BTNL3: variants seen among roughly 807,000 people sequenced by gnomAD.
The protein encoded by BTNL3 is butyrophilin-like protein 3.
In BTNL3, 20 loss-of-function variants were observed where a neutral mutation model predicts 40.1. The ratio of observed to expected loss-of-function variants is 0.50; its 90% confidence interval spans 0.35 to 0.72. BTNL3 has a LOEUF of 0.72. BTNL3 is among the 30% of genes least tolerant of loss of function. The pLI is 0.01. For missense variants in BTNL3, 449 were observed against 582.2 expected (o/e 0.77, Z 2.35); for synonymous variants, 179 against 222.1 (o/e 0.81, Z 1.73).
chr5:180,988,900 T>C lies in BTNL3; in HGVS notation c.-129T>C, dbSNP rs1279350227. On this transcript the variant is annotated 5_prime_UTR_variant, in exon 1 of 8. Transcript: ENST00000342868. ...GGAGGCTCTAGGGAGAAATGCACAGTTTGACATCGTTCATGAAGAGCCTCT... is the reference window on the plus strand; with the variant it reads ...GGAGGCTCTAGGGAGAAATGCACAGCTTGACATCGTTCATGAAGAGCCTCT... The C allele has an allele frequency of 2.3e-5, 25 of 1,090,172 alleles. 7 individuals carry two copies. The East Asian group carries it at 7.4e-4, about 32-fold the overall frequency. The allele number at this position is 1,090,172 out of a possible 1,614,324, so 67.5% of individuals were successfully genotyped here.
chr5:180,989,140 T>C lies in BTNL3; in HGVS notation c.49+63T>C, dbSNP rs896367151. ...TTGAATAATATTTTGAGTTCATTCA[T>C]GACAATGATCTCAGCACAGTGAGAT... On this transcript the variant is annotated intron_variant, in intron 1 of 7. Transcript: ENST00000342868. 3.8e-5 allele frequency: 53 copies of C among 1,380,316 alleles called. 15 individuals are homozygous for C. The highest frequency in any genetic ancestry group is 5.1e-5 in the Non-Finnish European group (52 of 1,012,898). The allele number at this position is 1,380,316 out of a possible 1,614,324, so 85.5% of individuals were successfully genotyped here.
At position 180,989,100 on chromosome 5, in the gene BTNL3, T is replaced by C. The variant is rs527373614; in HGVS notation, c.49+23T>C. ...CAGGTAAGCCTTTCAGTTTGGACTGTTGTTTTTCTCCTTGTTGAATAATAT... is the reference window on the plus strand; with the variant it reads ...CAGGTAAGCCTTTCAGTTTGGACTGCTGTTTTTCTCCTTGTTGAATAATAT... On this transcript the variant is annotated intron_variant, in intron 1 of 7. Transcript: ENST00000342868. 1.3e-5 allele frequency: 18 copies of C among 1,427,952 alleles called. 5 individuals are homozygous for C. The highest frequency in any genetic ancestry group is 2.2e-5 in the Admixed American group (1 of 45,282). 88.5% of individuals were successfully genotyped at this position (1,427,952 alleles called of 1,614,324 possible). A position where few individuals can be genotyped will look rare whatever the true frequency, so the allele number is the denominator to read the frequency against.
chr5:181,003,899 C>G (rs1760166256), intron 5 of BTNL3, 23 bp downstream of exon 5: 1 of 1,613,974 alleles, frequency 6.2e-7, no homozygotes, highest in South Asian at 1.1e-5. Context: ...TCCTGAGCCT[C>G]CCACACATGG....
rs544801873 is a variant in BTNL3 at position 181,005,402 on chromosome 5, C to G, written c.931C>G (p.His311Asp). 4.1e-5 allele frequency: 66 copies of G among 1,613,880 alleles called. No individual in the cohort carries two copies. The African/African-American group carries it at 7.7e-4, about 19-fold the overall frequency. ...CGTTTCTGATCTGAAAACTGTAACC[C>G]ATAGAAAAGCTCCCCAGGAGGTGCC... is the stretch of plus-strand genomic sequence containing the variant. ...LCVSDLKTVT[H>D]RKAPQEVPHS... Residue 311 changes from histidine (H) to aspartate (D), a missense_variant, in exon 8 of 8, where the codon CAT (histidine) becomes GAT (aspartate). Physicochemically the swap from His to Asp is moderately conservative, Grantham distance 81. Around this residue, in one of 2 missense-constraint regions of BTNL3, gnomAD observed 323 missense variants for 464.9 expected, o/e 0.69. Transcript: ENST00000342868.
intron 1 of BTNL3, among the ~76,000 whole-genome samples, chr5:180,990,860 G>T (rs1451600931): frequency 7.3e-6 from 1 of 137,266 alleles, no homozygotes; most frequent in East Asian, 2.2e-4. Context: ...GTGGCAACTG[G>T]GACCCAGTCC....
chr5:181,003,859 A>T lies in BTNL3; in HGVS notation c.791A>T (p.Lys264Ile), dbSNP rs777627672. Residue 264 changes from lysine to isoleucine, a missense_variant, in exon 5 of 8, where the codon AAA (lysine) becomes ATA (isoleucine). Lys to Ile is a moderately radical substitution (Grantham distance 102). This residue lies in a region of BTNL3 where 323 missense variants were observed against 464.9 expected (regional missense o/e 0.69). Transcript: ENST00000342868. The stretch of plus-strand genomic sequence containing the variant: ...GAATATACTGTTTCTGTTTCAGGGA[A>T]AATCCAGGCGGAACTGGGTATGTGT... ...MIIVFFKSKG[K>I]IQAELDWRRK... 50 of 1,614,152 alleles carry T rather than the reference A, an allele frequency of 3.1e-5. No individual in the cohort carries two copies. Among genetic ancestry groups the T allele is most frequent in the Non-Finnish European group, 4.1e-5 (48 of 1,180,026 alleles).
rs1438693894 is a variant in BTNL3 at position 181,005,334 on chromosome 5, T to A, written c.863T>A (p.Val288Glu). ...AELRDARKHA[V>E]EVTLDPETAH... ...TCCTCTCTCCCCCACCGCACCCCAG[T>A]GGAGGTGACTCTGGATCCAGAGACG... is the stretch of plus-strand genomic sequence containing the variant. Residue 288 changes from valine to glutamate, a missense_variant and splice_region_variant, in exon 8 of 8, where the codon GTG (valine) becomes GAG (glutamate). Val to Glu is a moderately radical substitution (Grantham distance 121, BLOSUM62 -2). Transcript: ENST00000342868. The A allele has an allele frequency of 1.2e-6, 2 of 1,610,536 alleles. No homozygotes were observed. Among genetic ancestry groups the A allele is most frequent in the Non-Finnish European group, 1.7e-6 (2 of 1,178,764 alleles).
rs770207349 is a variant in BTNL3 at position 180,993,039 on chromosome 5, T to C, written c.276T>C (p.Ile92=). Residue 92 remains isoleucine (I), a synonymous_variant, in exon 2 of 8, where the codon ATT becomes ATC. Transcript: ENST00000342868. ...RGRTEFVKDS[I]AGGRVSLRLK... is the part of the protein sequence containing the mutation. ...GAACTGAGTTTGTGAAGGACTCCAT[T>C]GCAGGGGGGCGTGTCTCTCTAAGGC... 1.0e-4 allele frequency: 151 copies of C among 1,457,858 alleles called. 38 individuals are homozygous for C. In the Admixed American group the frequency reaches 2.8e-3, roughly 27 times the overall value. 90.3% of individuals were successfully genotyped at this position (1,457,858 alleles called of 1,614,324 possible). A position where few individuals can be genotyped will look rare whatever the true frequency, so the allele number is the denominator to read the frequency against.
intron 3 of BTNL3, among the ~76,000 whole-genome samples, chr5:181,001,500 T>TGGGGG (rs200023935): frequency 3.9e-4 from 45 of 116,392 alleles, no homozygotes; most frequent in South Asian, 1.0e-3. Context: ...TTTTTATAGA[T>TGGGGG]GGGGGGGGGT....
At chr5:180,999,579 C>A (rs538495319) in intron 3 of BTNL3, among the ~76,000 whole-genome samples, 1 of 136,716 alleles carries the variant, frequency 7.3e-6, no homozygotes, top group African/African-American at 2.5e-5. Flanking sequence ...GCGGGCAGAT[C>A]GCTTGAGGTC....
chr5:180,990,745 G>T (rs1329321845), intron 1 of BTNL3, among the ~76,000 whole-genome samples: 1 of 137,626 alleles, frequency 7.3e-6, no homozygotes, highest in African/African-American at 2.5e-5. Context: ...TTCTGCAGGT[G>T]GTTTGTTTAG....
Position 180,993,018 on chromosome 5 carries a change from T to C in BTNL3, c.255T>C (p.Thr85=), listed in dbSNP as rs745432541. The change falls in exon 2 of 8, where the codon ACT becomes ACC. Residue 85 remains threonine, a synonymous_variant. Coordinates refer to ENST00000342868, the MANE Select transcript of BTNL3 (RefSeq NM_197975.3). ...AGATGCCACAGTATCGAGGGAGAAC[T>C]GAGTTTGTGAAGGACTCCATTGCAG... is the stretch of plus-strand genomic sequence containing the variant. ...SKQMPQYRGR[T]EFVKDSIAGG... 3 of 1,459,740 alleles carry C rather than the reference T, an allele frequency of 2.1e-6. 1 individual carries two copies. In the African/African-American group the frequency reaches 4.2e-5, roughly 20 times the overall value. The allele number at this position is 1,459,740 out of a possible 1,614,324, so 90.4% of individuals were successfully genotyped here.
chr5:180,997,570 T>C, intron 3 of BTNL3, 82 bp downstream of exon 3: 1 of 1,431,936 alleles, frequency 7.0e-7, no homozygotes, highest in East Asian at 2.5e-5. Context: ...TCTGGGATTG[T>C]TGTGTAGTAC....
Position 180,997,241 on chromosome 5 carries a change from C to G in BTNL3, c.426C>G (p.Ile142Met), listed in dbSNP as rs77077795. Reference sequence around the variant, plus strand: ...TGGGCTCACTTCCTCTCATTTCCATCGTGGGATATGTTGACGGAGGTATCC... The same window carrying G: ...TGGGCTCACTTCCTCTCATTTCCATGGTGGGATATGTTGACGGAGGTATCC... The part of the protein sequence containing the change: ...AALGSLPLIS[I>M]VGYVDGGIQL... Residue 142 changes from isoleucine to methionine, a missense_variant, in exon 3 of 8, where the codon ATC (isoleucine) becomes ATG (methionine). Coordinates refer to ENST00000342868, the MANE Select transcript of BTNL3 (RefSeq NM_197975.3). 4 of 1,464,428 alleles carry G rather than the reference C, an allele frequency of 2.7e-6. No individual in the cohort carries two copies. The allele number at this position is 1,464,428 out of a possible 1,614,324, so 90.7% of individuals were successfully genotyped here.
At chr5:180,991,075 G>A (rs1240552014) in intron 1 of BTNL3, among the ~76,000 whole-genome samples, 1 of 136,876 alleles carries the variant, frequency 7.3e-6, no homozygotes, top group Non-Finnish European at 1.7e-5. Context: ...CTCCAGGGGC[G>A]GAGCTGTCAG....
At chr5:180,989,396 TG>T (rs1175331735) in intron 1 of BTNL3, among the ~76,000 whole-genome samples, 1 of 136,866 alleles carries the variant, frequency 7.3e-6, no homozygotes. Flanking sequence ...TCTCCCCAGG[TG>T]GGCTGTGGGG....
chr5:181,000,622 A>G (rs979990432), intron 3 of BTNL3, among the ~76,000 whole-genome samples: 1 of 131,906 alleles, frequency 7.6e-6, no homozygotes, highest in African/African-American at 2.6e-5. Context: ...CTGGCTAACA[A>G]GGTGAAACCC....
intron 7 of BTNL3, 107 bp downstream of exon 7, chr5:181,004,869 C>T: frequency 6.2e-7 from 1 of 1,601,638 alleles, no homozygotes; most frequent in Non-Finnish European, 8.5e-7. Context: ...TGCCCGAATC[C>T]ACCCCAGGGT....
At chr5:181,001,979 C>T (rs2113085404) in intron 3 of BTNL3, among the ~76,000 whole-genome samples, 1 of 135,208 alleles carries the variant, frequency 7.4e-6, no homozygotes, top group South Asian at 2.2e-4. Flanking sequence ...AGCCACTGCA[C>T]CTGGCCCAGA....
Sources: allele counts gnomAD v4.1 joint callset (sites outside exome capture counted in the v4.1 genomes callset), GRCh38; gene constraint gnomAD v4.1.1; regional missense constraint gnomAD v4.1.1; transcripts MANE v1.5; gene names NCBI Gene and HGNC (gene_info 2026-07-23, HGNC 2026-07-21).